MAP3K15: variants seen among roughly 807,000 people sequenced by gnomAD.
The protein encoded by MAP3K15 is MAPK/ERK kinase kinase 15.
In MAP3K15, 124 loss-of-function variants were observed where a neutral mutation model predicts 99.5. The observed-to-expected ratio is 1.25, with a 90% CI of 1.08 to 1.45. The LOEUF is 1.45. Among genes scored for constraint, MAP3K15 ranks in the 40% most tolerant of loss-of-function variants. The probability of loss-of-function intolerance (pLI) is 0.00; values close to 1 mark genes in which losing one functional copy is unlikely to be tolerated. For missense variants in MAP3K15, 1,242 were observed against 1,079.7 expected (o/e 1.15, Z -2.11); for synonymous variants, 494 against 439.6 (o/e 1.12, Z -1.55).
At chrX:19,407,371 T>C in intron 12 of MAP3K15, 88 bp from the exon 13 acceptor site, 1 of 499,273 alleles carries the variant, frequency 2.0e-6, no homozygotes, top group Non-Finnish European at 3.2e-6. Flanking sequence ...ATTTTATCAA[T>C]TCCTGAAAGA....
chrX:19,362,230 CTTTTTTT>C (rs1159241316), intron 26 of MAP3K15, among the ~76,000 whole-genome samples: 6 of 75,692 alleles, frequency 7.9e-5, no homozygotes, highest in Non-Finnish European at 1.5e-4. Context: ...CCTTTTGAAT[CTTTTTTT>C]TTTTTTTTTT....
intron 18 of MAP3K15, among the ~76,000 whole-genome samples, chrX:19,390,938 G>T (rs2147244700): frequency 9.0e-6 from 1 of 111,436 alleles, no homozygotes; most frequent in Admixed American, 9.6e-5. Flanking sequence ...TTCTTTCCAA[G>T]GATCAAAGTT....
chrX:19,443,229 T>C (rs1333981893), intron 6 of MAP3K15, among the ~76,000 whole-genome samples: 28 of 86,090 alleles, frequency 3.3e-4, no homozygotes, highest in Middle Eastern at 9.9e-3. Context: ...AACGGGGTTT[T>C]ACCATGTAGA....
At chrX:19,417,156 G>C (rs1166542287) in intron 9 of MAP3K15, among the ~76,000 whole-genome samples, 1 of 112,081 alleles carries the variant, frequency 8.9e-6, no homozygotes, top group Non-Finnish European at 1.9e-5. Flanking sequence ...TTCCAACTGA[G>C]GTACCAGGTA....
At chrX:19,460,761 GTTT>G (rs372618461) in intron 4 of MAP3K15, among the ~76,000 whole-genome samples, 2 of 98,097 alleles carry the variant, frequency 2.0e-5, no homozygotes, top group Non-Finnish European at 4.1e-5. Context: ...TTGTTTTTTT[GTTT>G]TTTTTTTTTT....
At chrX:19,380,774 G>C (rs1483053852) in intron 18 of MAP3K15, among the ~76,000 whole-genome samples, 1 of 112,803 alleles carries the variant, frequency 8.9e-6, no homozygotes, top group Admixed American at 9.3e-5. Context: ...GCCTGCCTCA[G>C]CTTCCCAAAG....
At chrX:19,468,854 T>C (rs1445977894) in intron 3 of MAP3K15, among the ~76,000 whole-genome samples, 1 of 111,497 alleles carries the variant, frequency 9.0e-6, no homozygotes, top group African/African-American at 3.3e-5. Context: ...GTTGGATTCC[T>C]AGGTATTTTA....
intron 3 of MAP3K15, among the ~76,000 whole-genome samples, chrX:19,485,309 A>C (rs2064316070): frequency 4.7e-5 from 1 of 21,334 alleles, no homozygotes; most frequent in Non-Finnish European, 7.3e-5. Flanking sequence ...ACTCTGTCTC[A>C]AAAAAAAAAA....
chrX:19,501,726 C>T (rs1317563549), intron 1 of MAP3K15, among the ~76,000 whole-genome samples: 1 of 111,892 alleles, frequency 8.9e-6, no homozygotes, highest in African/African-American at 3.3e-5. Context: ...TGGCTCCCGG[C>T]CATTGAAGAG....
At position 19,371,460 on chromosome X, in the gene MAP3K15, C is replaced by A. The variant is rs148629355; in HGVS notation, c.3179G>T (p.Arg1060Leu). The A allele has an allele frequency of 1.3e-4, 163 of 1,208,384 alleles. No homozygotes were observed. The Middle Eastern group carries it at 3.0e-3, about 22-fold the overall frequency. Reference sequence around the variant, plus strand: ...CGCCATCACCCGGTGCTCTGGGGAGCGGATGAAGTCCCTCAGGATCCCAAT... The same window carrying A: ...CGCCATCACCCGGTGCTCTGGGGAGAGGATGAAGTCCCTCAGGATCCCAAT... ...QIIGILRDFIRSPEHRVMATT... is the reference protein window; with the variant it reads ...QIIGILRDFILSPEHRVMATT... The change falls in exon 23 of 29, where the codon CGC (arginine) becomes CTC (leucine). Residue 1060 changes from arginine (R) to leucine (L), a missense_variant. By Grantham distance (102) the Arg-to-Leu change is moderately radical. Transcript: ENST00000338883.
At chrX:19,488,091 C>A (rs1204840952) in intron 2 of MAP3K15, among the ~76,000 whole-genome samples, 1 of 111,813 alleles carries the variant, frequency 8.9e-6, no homozygotes, top group Non-Finnish European at 1.9e-5. Context: ...CAAACTAATT[C>A]ATTATTCCTA....
At chrX:19,367,901 ACCACGC>A (rs745814300) in intron 25 of MAP3K15, among the ~76,000 whole-genome samples, 288 of 105,807 alleles carry the variant, frequency 2.7e-3, no homozygotes, top group African/African-American at 9.5e-3. Context: ...GGCAAGTTCC[ACCACGC>A]CCAGCTAATT....
At chrX:19,410,332 A>G (rs144011878) in intron 11 of MAP3K15, among the ~76,000 whole-genome samples, 1 of 112,772 alleles carries the variant, frequency 8.9e-6, no homozygotes, top group African/African-American at 3.2e-5. Flanking sequence ...AGTGACTTGC[A>G]AAAATGTTGG....
intron 3 of MAP3K15, among the ~76,000 whole-genome samples, chrX:19,468,889 G>C (rs1045766611): frequency 9.0e-6 from 1 of 111,113 alleles, no homozygotes; most frequent in African/African-American, 3.3e-5. Context: ...ATTGTGAATG[G>C]GAGTTCACTC....
At chrX:19,492,609 T>C (rs745742630) in intron 1 of MAP3K15, among the ~76,000 whole-genome samples, 1 of 111,622 alleles carries the variant, frequency 9.0e-6, no homozygotes, top group South Asian at 3.7e-4. Flanking sequence ...CCACTGCAGC[T>C]GAGTAAATTA....
chrX:19,512,811 C>A (rs1291362868), intron 1 of MAP3K15, among the ~76,000 whole-genome samples: 3 of 111,278 alleles, frequency 2.7e-5, no homozygotes, highest in Non-Finnish European at 5.7e-5. Flanking sequence ...CCATTTTTAC[C>A]GTATTCTAAT....
chrX:19,418,383 T>C, intron 9 of MAP3K15, among the ~76,000 whole-genome samples: 1 of 111,345 alleles, frequency 9.0e-6, no homozygotes, highest in East Asian at 2.8e-4. Flanking sequence ...GCACAAGAAC[T>C]ATGTGATGAA....
chrX:19,415,770 G>A (rs1466501230), intron 9 of MAP3K15, among the ~76,000 whole-genome samples: 1 of 111,035 alleles, frequency 9.0e-6, no homozygotes, highest in Non-Finnish European at 1.9e-5. Context: ...TAAAATATAT[G>A]TAGGTACTGG....
intron 19 of MAP3K15, among the ~76,000 whole-genome samples, chrX:19,375,006 G>A (rs2063407472): frequency 1.8e-5 from 2 of 110,945 alleles, no homozygotes; most frequent in Non-Finnish European, 3.8e-5. Flanking sequence ...TGGAGAGGAC[G>A]CCCCAGCCAT....
Sources: gnomAD v4.1 joint callset for allele counts (sites outside exome capture counted in the v4.1 genomes callset) on GRCh38, gnomAD v4.1.1 for gene constraint, MANE v1.5 for transcripts, NCBI Gene and HGNC (gene_info 2026-07-23, HGNC 2026-07-21) for gene names.